MYO1D: variants seen among roughly 807,000 people sequenced by gnomAD.
MYO1D encodes the protein myosin ID.
Under a neutral mutation model 122.0 loss-of-function variants are expected in MYO1D, and 83 were observed. The observed-to-expected ratio is 0.68, with a 90% CI of 0.57 to 0.82. The LOEUF (loss-of-function observed/expected upper bound fraction) is 0.82, where lower values mean the gene tolerates loss of function less well. Ranked by LOEUF, MYO1D falls within the 40% of genes least tolerant of loss-of-function variation. The probability of loss-of-function intolerance (pLI) is 0.00; values close to 1 mark genes in which losing one functional copy is unlikely to be tolerated. For missense variants in MYO1D, 1,157 were observed against 1,269.5 expected, an observed-to-expected ratio of 0.91 and a Z score of 1.35; for synonymous variants, 464 against 446.9, an observed-to-expected ratio of 1.04 and a Z score of -0.48.
At chr17:32,512,109 G>C (rs145921670) in intron 21 of MYO1D, among the ~76,000 whole-genome samples, 1 of 152,122 alleles carries the variant, frequency 6.6e-6, no homozygotes, top group Non-Finnish European at 1.5e-5. Context: ...GAGACCAGAC[G>C]GACCAACATG....
At chr17:32,506,374 T>C (rs953432005) in intron 21 of MYO1D, among the ~76,000 whole-genome samples, 2 of 152,148 alleles carry the variant, frequency 1.3e-5, no homozygotes, top group African/African-American at 4.8e-5. Context: ...CAAAGGTCCA[T>C]GTCTCATTTG....
intron 1 of MYO1D, among the ~76,000 whole-genome samples, chr17:32,822,622 G>A (rs1598129301): frequency 1.3e-5 from 2 of 148,958 alleles, no homozygotes; most frequent in South Asian, 2.1e-4. Flanking sequence ...GTGGCCCGCC[G>A]GCCCCCGTCC....
At position 32,645,106 on chromosome 17, in the gene MYO1D, T is replaced by C. The variant is rs553030324; in HGVS notation, c.2596-6271A>G. ...TTCAGGAGCTCTTGTAGGGCAGGCC[T>C]GGTGGTGACAAAATCTCTCAGCATT... On this transcript the variant is annotated intron_variant, in intron 19 of 21. Coordinates refer to ENST00000318217, the MANE Select transcript of MYO1D (RefSeq NM_015194.3). 2.0e-5 allele frequency among the ~76,000 whole-genome samples: 3 copies of C among 152,320 alleles called. No individual in the cohort carries two copies. In the South Asian group the frequency reaches 6.2e-4, roughly 32 times the overall value.
chr17:32,720,317 G>A (rs1327829081), intron 15 of MYO1D, among the ~76,000 whole-genome samples: 1 of 152,026 alleles, frequency 6.6e-6, no homozygotes, highest in Non-Finnish European at 1.5e-5. Context: ...ACTTTACGGA[G>A]GTACTACTAT....
intron 19 of MYO1D, among the ~76,000 whole-genome samples, chr17:32,645,054 T>C (rs894819998): frequency 6.6e-6 from 1 of 152,198 alleles, no homozygotes. Flanking sequence ...CTGGTACCAG[T>C]TGTTCCTTTC....
At chr17:32,776,397 T>C (rs1028058931) in intron 3 of MYO1D, among the ~76,000 whole-genome samples, 2 of 152,206 alleles carry the variant, frequency 1.3e-5, no homozygotes, top group African/African-American at 4.8e-5. Flanking sequence ...TACACATGTA[T>C]CAGCAAATGC....
chr17:32,545,763 C>A (rs2086960377), intron 21 of MYO1D, among the ~76,000 whole-genome samples: 1 of 150,310 alleles, frequency 6.7e-6, no homozygotes, highest in African/African-American at 2.5e-5. Context: ...TCTGAAGTAT[C>A]CAGGTGATTT....
chr17:32,512,611 G>A (rs1200902910), intron 21 of MYO1D, among the ~76,000 whole-genome samples: 1 of 152,162 alleles, frequency 6.6e-6, no homozygotes, highest in African/African-American at 2.4e-5. Context: ...CTCAGCACTG[G>A]GTCCACAGCA....
intron 1 of MYO1D, among the ~76,000 whole-genome samples, chr17:32,841,445 T>A (rs999907647): frequency 6.6e-6 from 1 of 150,722 alleles, no homozygotes; most frequent in Non-Finnish European, 1.5e-5. Context: ...CCAGTTTGGG[T>A]GACAGAGTGA....
chr17:32,682,098 T>G (rs1426683088), intron 16 of MYO1D, among the ~76,000 whole-genome samples: 4 of 104,642 alleles, frequency 3.8e-5, no homozygotes, highest in African/African-American at 1.6e-4. Flanking sequence ...GTTTTCCATT[T>G]GCTTGGTAGA....
In MYO1D at chr17:32,654,569, C is replaced by T. The variant is rs1305357250; in HGVS notation, c.2398G>A (p.Val800Ile). The change falls in exon 18 of 22, where the codon GTC becomes ATC. Residue 800 changes from valine to isoleucine, a missense_variant. Physicochemically the swap from Val to Ile is conservative, Grantham distance 29. Coordinates refer to ENST00000318217, the MANE Select transcript of MYO1D (RefSeq NM_015194.3). ...TCCACGGCTGCAACCTTTGCCCTGACCTGGGGCAGGTCTGAGGCCGGAATG... is the reference window on the plus strand; with the variant it reads ...TCCACGGCTGCAACCTTTGCCCTGATCTGGGGCAGGTCTGAGGCCGGAATG... ...KSIPASDLPQ[V>I]RAKVAAVEML... is the part of the protein sequence containing the mutation. 8.1e-6 allele frequency: 13 copies of T among 1,613,966 alleles called. No homozygotes were observed. The highest frequency in any genetic ancestry group is 1.0e-5 in the Non-Finnish European group (12 of 1,179,920).
chr17:32,824,253 C>A (rs888858183), intron 1 of MYO1D, among the ~76,000 whole-genome samples: 1 of 152,086 alleles, frequency 6.6e-6, no homozygotes, highest in Non-Finnish European at 1.5e-5. Context: ...TGGAACAAAA[C>A]AACCCTGAAA....
chr17:32,565,561 T>C (rs1305283456), intron 21 of MYO1D, among the ~76,000 whole-genome samples: 1 of 152,208 alleles, frequency 6.6e-6, no homozygotes, highest in African/African-American at 2.4e-5. Context: ...ATATGGCCGG[T>C]GACATAATTG....
At chr17:32,612,808 G>C (rs905039773) in intron 20 of MYO1D, among the ~76,000 whole-genome samples, 4 of 150,714 alleles carry the variant, frequency 2.7e-5, no homozygotes, top group Admixed American at 6.6e-5. Flanking sequence ...TAGCTGTCTT[G>C]CCCAGGCTGG....
At chr17:32,568,344 C>T (rs437497) in intron 21 of MYO1D, among the ~76,000 whole-genome samples, 63,440 of 151,866 alleles carry the variant, frequency 0.42, 13,335 homozygotes, top group East Asian at 0.53. Flanking sequence ...TAGGCAAGTC[C>T]ATGTTTAGAA....
intron 17 of MYO1D, chr17:32,658,832 TAGAA>T: frequency 5.1e-6 from 2 of 394,014 alleles, no homozygotes; most frequent in Non-Finnish European, 9.2e-6. Flanking sequence ...TAAAAGTAAG[TAGAA>T]ACAGCATGCT....
chr17:32,576,581 C>T (rs1385880242), intron 21 of MYO1D, among the ~76,000 whole-genome samples: 1 of 152,168 alleles, frequency 6.6e-6, no homozygotes, highest in Non-Finnish European at 1.5e-5. Flanking sequence ...TCTGTGGTAA[C>T]ATTCATATTT....
In MYO1D at chr17:32,696,882, AGT is replaced by A. The variant is rs1360356881; in HGVS notation, c.2121+15104_2121+15105del. ...CATTTTACCCACTAGCTTTAGTGAC[AGT>A]TAACCCACTATAATGTCAAGTTCCA... On this transcript the variant is annotated intron_variant, in intron 16 of 21. Transcript: ENST00000318217. Among the ~76,000 whole-genome samples the A allele has an allele frequency of 2.0e-5, 3 of 152,234 alleles. No individual in the cohort carries two copies. In the East Asian group the frequency reaches 5.8e-4, roughly 29 times the overall value.
chr17:32,799,822 AT>A (rs2090446089), intron 1 of MYO1D, among the ~76,000 whole-genome samples: 1 of 152,196 alleles, frequency 6.6e-6, no homozygotes, highest in South Asian at 2.1e-4. Flanking sequence ...TATCCATAAT[AT>A]ATAAGAAACT....
Sources: gnomAD v4.1 joint callset for allele counts (sites outside exome capture counted in the v4.1 genomes callset) on GRCh38, gnomAD v4.1.1 for gene constraint, MANE v1.5 for transcripts, NCBI Gene and HGNC (gene_info 2026-07-23, HGNC 2026-07-21) for gene names.